The following PTPRG variants were observed in gnomAD, a reference collection of about 807,000 sequenced individuals.
PTPRG encodes the protein receptor-type tyrosine-protein phosphatase gamma.
Under a neutral mutation model 165.3 loss-of-function variants are expected in PTPRG, and 102 were observed. That is an observed-to-expected ratio of 0.62 (90% CI 0.53 to 0.73). PTPRG has a LOEUF of 0.73. PTPRG is among the 30% of genes least tolerant of loss of function. PTPRG has a pLI of 0.00. For synonymous variants in PTPRG, 675 were observed against 669.5 expected (o/e 1.01, Z -0.13); for missense variants, 1,866 against 1,861.4 (o/e 1.00, Z -0.05).
At chr3:61,848,137 G>C (rs766232009) in intron 2 of PTPRG, among the ~76,000 whole-genome samples, 6 of 152,228 alleles carry the variant, frequency 3.9e-5, no homozygotes, top group African/African-American at 7.2e-5. Context: ...TGCACACTTT[G>C]CATTGGCTGA....
chr3:61,600,172 A>AT (rs1559518840), intron 1 of PTPRG, among the ~76,000 whole-genome samples: 51 of 114,198 alleles, frequency 4.5e-4, no homozygotes, highest in African/African-American at 1.5e-3. Flanking sequence ...AAAAAAAAAA[A>AT]AATATATATA....
intron 24 of PTPRG, among the ~76,000 whole-genome samples, 176 bp downstream of exon 24, chr3:62,276,142 C>T (rs1212199098): frequency 6.6e-6 from 1 of 152,044 alleles, no homozygotes; most frequent in Non-Finnish European, 1.5e-5. Context: ...TGACTTTATA[C>T]CAGCCTCTTA....
At chr3:61,891,611 G>A (rs988701521) in intron 2 of PTPRG, among the ~76,000 whole-genome samples, 37 of 152,360 alleles carry the variant, frequency 2.4e-4, no homozygotes, top group African/African-American at 8.4e-4. Flanking sequence ...CAAGAATGTT[G>A]TTACAGATGC....
At chr3:61,973,423 G>C (rs547335289) in intron 2 of PTPRG, among the ~76,000 whole-genome samples, 7 of 152,266 alleles carry the variant, frequency 4.6e-5, no homozygotes, top group African/African-American at 1.7e-4. Flanking sequence ...AATCTAAAAG[G>C]AAAAATGTAT....
At chr3:62,110,704 T>C (rs972125470) in intron 5 of PTPRG, among the ~76,000 whole-genome samples, 4 of 152,226 alleles carry the variant, frequency 2.6e-5, no homozygotes, top group Admixed American at 6.5e-5. Context: ...AACACCAGTA[T>C]TCTGTTCTAT....
intron 2 of PTPRG, among the ~76,000 whole-genome samples, chr3:61,946,923 T>C (rs1348661273): frequency 6.6e-6 from 1 of 152,180 alleles, no homozygotes; most frequent in Non-Finnish European, 1.5e-5. Context: ...TTAGACATGG[T>C]ATGATGAGAA....
intron 2 of PTPRG, among the ~76,000 whole-genome samples, chr3:61,981,474 A>G (rs530404322): frequency 6.6e-6 from 1 of 152,370 alleles, no homozygotes; most frequent in African/African-American, 2.4e-5. Context: ...AAGCTGGGTC[A>G]GGGTCATGCC....
chr3:62,036,707 T>A (rs927447367), intron 4 of PTPRG, among the ~76,000 whole-genome samples: 1 of 152,138 alleles, frequency 6.6e-6, no homozygotes, highest in Admixed American at 6.6e-5. Flanking sequence ...TTATTGAGAT[T>A]TTGGTCCAAA....
At chr3:61,819,878 A>C (rs1291481995) in intron 2 of PTPRG, among the ~76,000 whole-genome samples, 1 of 152,210 alleles carries the variant, frequency 6.6e-6, no homozygotes, top group African/African-American at 2.4e-5. Flanking sequence ...TTGGATCCTG[A>C]TTGAAGCAAA....
In PTPRG at chr3:62,224,877, G is replaced by A. The variant is rs58396354; in HGVS notation, c.2288+5894G>A. 6.8e-3 allele frequency among the ~76,000 whole-genome samples: 1,032 copies of A among 152,296 alleles called. 14 individuals are homozygous for A. Among genetic ancestry groups the A allele is most frequent in the African/African-American group, 0.024 (986 of 41,564 alleles). ...AATGTCCCTCGCAAAGGTCTGCCTT[G>A]AAGAGCTGTAGGAACCAGAATCTGT... On this transcript the variant is annotated intron_variant, in intron 13 of 29. Coordinates refer to ENST00000474889, the MANE Select transcript of PTPRG (RefSeq NM_002841.4). This position sits in a 1 kb window ranked among gnomAD's most constrained non-coding sequence, Gnocchi z 4.9.
At chr3:62,031,347 G>A (rs1699763410) in intron 4 of PTPRG, among the ~76,000 whole-genome samples, 1 of 152,192 alleles carries the variant, frequency 6.6e-6, no homozygotes, top group African/African-American at 2.4e-5. Flanking sequence ...TTGGATAGGA[G>A]AACGTGGGGG....
intron 2 of PTPRG, chr3:61,751,178 G>C (rs1284278363): frequency 6.6e-6 from 1 of 152,156 alleles, no homozygotes; most frequent in African/African-American, 2.4e-5. Flanking sequence ...AGAAGGCTTG[G>C]AGTTCATCAC....
At chr3:62,226,866 A>G (rs1002390771) in intron 13 of PTPRG, among the ~76,000 whole-genome samples, 9 of 152,210 alleles carry the variant, frequency 5.9e-5, no homozygotes, top group African/African-American at 2.2e-4. Context: ...TTTTACTCTA[A>G]GTCCCATCTT....
At chr3:61,731,795 C>CTT in intron 1 of PTPRG, among the ~76,000 whole-genome samples, 1 of 149,574 alleles carries the variant, frequency 6.7e-6, no homozygotes, top group Non-Finnish European at 1.5e-5. Flanking sequence ...TGCATAGGTA[C>CTT]TTTTTTTTTT....
chr3:61,696,708 ACTAGAGCC>A (rs1333372852), intron 1 of PTPRG, among the ~76,000 whole-genome samples: 8 of 152,292 alleles, frequency 5.3e-5, no homozygotes, highest in African/African-American at 1.9e-4. Flanking sequence ...CGGGGAAGCG[ACTAGAGCC>A]CTAGCTTTTT....
At chr3:62,112,146 G>A (rs986886640) in intron 5 of PTPRG, among the ~76,000 whole-genome samples, 4 of 151,668 alleles carry the variant, frequency 2.6e-5, no homozygotes, top group Non-Finnish European at 4.4e-5. Flanking sequence ...TGTCGCCCAC[G>A]CTGGAGTGCA....
rs575110531 is a variant in PTPRG at position 61,874,225 on chromosome 3, C to G, written c.191-115400C>G. 1.1e-3 allele frequency among the ~76,000 whole-genome samples: 162 copies of G among 152,256 alleles called. 1 individual carries two copies. The highest frequency in any genetic ancestry group is 3.7e-3 in the African/African-American group (155 of 41,558). On this transcript the variant is annotated intron_variant, in intron 2 of 29. Transcript: ENST00000474889. ...CATGCACTACCCCTGTTTTCTTTCT[C>G]TTTTGTACCTTGAGACTTTAGGGTG...
intron 2 of PTPRG, among the ~76,000 whole-genome samples, chr3:61,882,712 G>A (rs1365595732): frequency 6.6e-6 from 1 of 152,092 alleles, no homozygotes; most frequent in Non-Finnish European, 1.5e-5. Flanking sequence ...GCCACTGCTT[G>A]TTCACCTGTC....
At chr3:62,231,356 G>C in intron 14 of PTPRG, 45 bp downstream of exon 14, 1 of 1,474,822 alleles carries the variant, frequency 6.8e-7, no homozygotes, top group Non-Finnish European at 9.1e-7. Context: ...TGATGGCCGG[G>C]ACTGGCTTGC....
Sources: gnomAD v4.1 joint callset for allele counts (sites outside exome capture counted in the v4.1 genomes callset) on GRCh38, gnomAD v4.1.1 for gene constraint, Gnocchi (gnomAD v3.1) non-coding constraint, MANE v1.5 for transcripts, NCBI Gene and HGNC (gene_info 2026-07-23, HGNC 2026-07-21) for gene names.